Variants in RABGAP1L observed in about 807,000 individuals in gnomAD.
RABGAP1L encodes the protein RAB GTPase activating protein 1 like.
In RABGAP1L, 63 loss-of-function variants were observed where a neutral mutation model predicts 137.7. The ratio of observed to expected loss-of-function variants is 0.46; its 90% confidence interval spans 0.37 to 0.56. The LOEUF (loss-of-function observed/expected upper bound fraction) is 0.56. RABGAP1L is among the 20% of genes least tolerant of loss of function. RABGAP1L has a pLI of 0.00. For missense variants in RABGAP1L, 1,095 were observed against 1,244.0 expected (o/e 0.88, Z 1.80); for synonymous variants, 431 against 433.7 (o/e 0.99, Z 0.08).
In RABGAP1L at chr1:174,637,459, G is replaced by A. The variant is rs1674151195; in HGVS notation, c.1795G>A (p.Gly599Ser). ...HDYFKDTGGD[G>S]QESLYKICKA... ...TTACTTTAAAGATACTGGAGGAGAT[G>A]GTCAAGAATCGCTCTATAAGATCTG... Residue 599 changes from glycine to serine, a missense_variant, in exon 14 of 26, where the codon GGT becomes AGT. Transcript: ENST00000681986. 1 of 1,610,116 alleles carries A rather than the reference G, an allele frequency of 6.2e-7. No homozygotes were observed. Among genetic ancestry groups the A allele is most frequent in the Non-Finnish European group, 8.5e-7 (1 of 1,176,422 alleles).
chr1:174,399,213 A>G (rs1211004694), intron 13 of RABGAP1L, among the ~76,000 whole-genome samples: 1 of 152,020 alleles, frequency 6.6e-6, no homozygotes, highest in Non-Finnish European at 1.5e-5. Flanking sequence ...TCTAAAAATG[A>G]TTTTTTCCTT....
In RABGAP1L at chr1:174,305,050, A is replaced by G. The variant is rs769627638; in HGVS notation, c.1388A>G (p.Glu463Gly). Residue 463 changes from glutamate (E) to glycine (G), a missense_variant, in exon 11 of 26, where the codon GAG becomes GGG. Coordinates refer to ENST00000681986, the MANE Select transcript of RABGAP1L (RefSeq NM_001366446.1). ...TATGAGGTGGTGAGTCTACAGCGAG[A>G]GTCTGACAAGGAGGAACCAGTCACT... ...AIYEVVSLQR[E>G]SDKEEPVTPT... 6.4e-7 allele frequency: 1 copy of G among 1,563,078 alleles called. No homozygotes were observed. The highest frequency in any genetic ancestry group is 8.6e-7 in the Non-Finnish European group (1 of 1,159,554).
At chr1:174,226,766 T>G (rs1430261795) in intron 3 of RABGAP1L, among the ~76,000 whole-genome samples, 1 of 150,636 alleles carries the variant, frequency 6.6e-6, no homozygotes, top group Non-Finnish European at 1.5e-5. Flanking sequence ...TATATTTTTC[T>G]TTTTCCTTTT....
chr1:174,388,984 C>A (rs1687018812), intron 12 of RABGAP1L, among the ~76,000 whole-genome samples: 1 of 151,518 alleles, frequency 6.6e-6, no homozygotes, highest in Non-Finnish European at 1.5e-5. Flanking sequence ...CTTTTATCCC[C>A]CTCATCTCTT....
chr1:174,957,860 A>G (rs1668736468), intron 20 of RABGAP1L: 1 of 1,543,382 alleles, frequency 6.5e-7, no homozygotes, highest in Admixed American at 1.9e-5. Flanking sequence ...AGACTCCCAA[A>G]TAGCCAACCA....
chr1:174,199,889 T>C (rs1667977541), intron 1 of RABGAP1L, among the ~76,000 whole-genome samples: 2 of 152,218 alleles, frequency 1.3e-5, no homozygotes. Flanking sequence ...ATAGCTATTC[T>C]TAGAATTATT....
At chr1:174,729,004 G>A (rs1012878234) in intron 17 of RABGAP1L, among the ~76,000 whole-genome samples, 1 of 152,054 alleles carries the variant, frequency 6.6e-6, no homozygotes, top group African/African-American at 2.4e-5. Flanking sequence ...ACCCAAAAGA[G>A]CCCAAATAGC....
intron 14 of RABGAP1L, among the ~76,000 whole-genome samples, chr1:174,672,867 C>T (rs190792190): frequency 6.6e-6 from 1 of 152,168 alleles, no homozygotes; most frequent in Admixed American, 6.5e-5. Flanking sequence ...AAAGGGGAAG[C>T]CTTGAGAATA....
intron 11 of RABGAP1L, among the ~76,000 whole-genome samples, chr1:174,345,929 G>C (rs1229713045): frequency 6.6e-6 from 1 of 151,004 alleles, no homozygotes; most frequent in African/African-American, 2.4e-5. Context: ...TCTGTATCCA[G>C]TTTTTTTTTG....
chr1:174,700,690 C>A, intron 16 of RABGAP1L: 1 of 161,658 alleles, frequency 6.2e-6, no homozygotes, highest in Admixed American at 6.1e-5. Context: ...TAAAACGAGC[C>A]ATAAGTACAA....
intron 13 of RABGAP1L, among the ~76,000 whole-genome samples, chr1:174,570,039 A>G (rs983322438): frequency 2.0e-5 from 3 of 152,170 alleles, no homozygotes; most frequent in African/African-American, 4.8e-5. Context: ...AAAACCATTG[A>G]TATAAGGTAA....
At chr1:174,616,955 T>C (rs1258128875) in intron 13 of RABGAP1L, among the ~76,000 whole-genome samples, 1 of 152,100 alleles carries the variant, frequency 6.6e-6, no homozygotes, top group Admixed American at 6.5e-5. Flanking sequence ...AGAGATAAAA[T>C]AAATGGTAGT....
intron 13 of RABGAP1L, among the ~76,000 whole-genome samples, chr1:174,478,140 C>G (rs534252024): frequency 5.1e-4 from 78 of 152,012 alleles, no homozygotes; most frequent in Middle Eastern, 6.8e-3. Context: ...GTCTAGTTTT[C>G]AAGTATATCT....
At chr1:174,853,594 G>A (rs1417919730) in intron 19 of RABGAP1L, among the ~76,000 whole-genome samples, 3 of 152,180 alleles carry the variant, frequency 2.0e-5, no homozygotes. Context: ...AGCCAGGCAT[G>A]GTGGCGCACA....
chr1:174,843,103 G>C (rs1224228855), intron 19 of RABGAP1L, among the ~76,000 whole-genome samples: 3 of 151,876 alleles, frequency 2.0e-5, no homozygotes, highest in Admixed American at 6.6e-5. Context: ...TTACTCCCTG[G>C]AGTAGTAATT....
intron 19 of RABGAP1L, among the ~76,000 whole-genome samples, chr1:174,905,836 G>A (rs1273742983): frequency 1.8e-4 from 28 of 151,730 alleles, no homozygotes. Context: ...GGGTAACAGA[G>A]TGAGACTCTG....
intron 3 of RABGAP1L, among the ~76,000 whole-genome samples, chr1:174,223,078 G>A (rs1001862309): frequency 3.3e-5 from 5 of 151,854 alleles, no homozygotes; most frequent in Non-Finnish European, 5.9e-5. Context: ...GACCAGCCTG[G>A]CTAATATAGT....
At position 174,675,844 on chromosome 1, in the gene RABGAP1L, C is replaced by T. The variant is rs144764148; in HGVS notation, c.1825-7678C>T. ...AGAAGCTTTTGGCTGAAACAAGAAA[C>T]GTTTTTGAAAGAAGCATATTGTCAT... On this transcript the variant is annotated intron_variant, in intron 14 of 25. Coordinates refer to ENST00000681986, the MANE Select transcript of RABGAP1L (RefSeq NM_001366446.1). Among the ~76,000 whole-genome samples, 234 of 152,188 alleles carry T rather than the reference C, an allele frequency of 1.5e-3. 1 individual carries two copies. The highest frequency in any genetic ancestry group is 5.4e-3 in the African/African-American group (223 of 41,494).
chr1:174,297,285 A>G (rs1421228499), intron 10 of RABGAP1L, among the ~76,000 whole-genome samples: 1 of 152,190 alleles, frequency 6.6e-6, no homozygotes, highest in African/African-American at 2.4e-5. Flanking sequence ...CCCACGCCAC[A>G]GAAATTTCGG....
Sources: gnomAD v4.1 joint callset for allele counts (sites outside exome capture counted in the v4.1 genomes callset) on GRCh38, gnomAD v4.1.1 for gene constraint, MANE v1.5 for transcripts, NCBI Gene and HGNC (gene_info 2026-07-23, HGNC 2026-07-21) for gene names.